LRRC63: variants seen among roughly 807,000 people sequenced by gnomAD.
LRRC63 encodes the protein leucine rich repeat containing 63.
In LRRC63, 40 loss-of-function variants were observed where a neutral mutation model predicts 49.5. That is an observed-to-expected ratio of 0.81 (90% CI 0.63 to 1.05). The LOEUF (loss-of-function observed/expected upper bound fraction) is 1.05. Ranked by LOEUF, LRRC63 falls within the 50% of genes least tolerant of loss-of-function variation. The probability of loss-of-function intolerance (pLI) is 0.00; values close to 1 mark genes in which losing one functional copy is unlikely to be tolerated. For synonymous variants in LRRC63, 191 were observed against 221.1 expected (o/e 0.86, Z 1.21); for missense variants, 636 against 663.1 (o/e 0.96, Z 0.45).
chr13:46,265,869 G>T (rs1434884949), intron 8 of LRRC63, among the ~76,000 whole-genome samples: 2 of 152,196 alleles, frequency 1.3e-5, no homozygotes, highest in Non-Finnish European at 2.9e-5. Flanking sequence ...GATAAAGAGA[G>T]CTGAGGTGCC....
chr13:46,261,631 G>GCAA (rs146074074), intron 7 of LRRC63, among the ~76,000 whole-genome samples: 12,240 of 152,034 alleles, frequency 0.081, 874 homozygotes, highest in African/African-American at 0.2. Context: ...GGAAACTAAT[G>GCAA]CAACAACAAC....
chr13:46,231,590 A>C (rs933150318), intron 4 of LRRC63, among the ~76,000 whole-genome samples: 1 of 151,482 alleles, frequency 6.6e-6, no homozygotes, highest in East Asian at 1.9e-4. Context: ...GCTCACTGCA[A>C]CCTCCGCCTG....
chr13:46,220,334 G>A (rs866076315), intron 2 of LRRC63, among the ~76,000 whole-genome samples: 1 of 152,190 alleles, frequency 6.6e-6, no homozygotes. Flanking sequence ...GAGGCAGTCT[G>A]GCTACCACAG....
intron 2 of LRRC63, among the ~76,000 whole-genome samples, chr13:46,213,798 G>T (rs566597187): frequency 1.3e-5 from 2 of 152,312 alleles, no homozygotes; most frequent in East Asian, 3.9e-4. Flanking sequence ...GAAACCAGAG[G>T]TTTGCAGGAA....
intron 2 of LRRC63, among the ~76,000 whole-genome samples, chr13:46,217,413 A>G (rs960805602): frequency 1.2e-4 from 18 of 152,168 alleles, no homozygotes; most frequent in Admixed American, 9.8e-4. Context: ...TGTTTATAGT[A>G]TTCTCTGATG....
At chr13:46,223,475 G>GTTTGTTTTTTT (rs1566472007) in intron 2 of LRRC63, among the ~76,000 whole-genome samples, 1 of 127,888 alleles carries the variant, frequency 7.8e-6, no homozygotes, top group African/African-American at 3.3e-5. Context: ...TTGGCTGACA[G>GTTTGTTTTTTT]TTTTTTTTGT....
intron 1 of LRRC63, 36 bp from the exon 2 acceptor site, chr13:46,212,966 A>T (rs1286214092): frequency 1.9e-6 from 2 of 1,038,532 alleles, no homozygotes; most frequent in Non-Finnish European, 2.8e-6. Context: ...CAATTCAAAC[A>T]TATTCAAAAC....
intron 4 of LRRC63, among the ~76,000 whole-genome samples, chr13:46,230,520 C>T (rs927531031): frequency 1.3e-5 from 2 of 152,216 alleles, no homozygotes; most frequent in Admixed American, 6.5e-5. Flanking sequence ...GCTAAAGGCC[C>T]GAGAGCCCCT....
chr13:46,223,310 A>T (rs1471513697), intron 2 of LRRC63, among the ~76,000 whole-genome samples: 1 of 152,108 alleles, frequency 6.6e-6, no homozygotes, highest in African/African-American at 2.4e-5. Context: ...GGCTGTAAGT[A>T]TGTGACTTTA....
chr13:46,247,211 T>G (rs1046790027), intron 6 of LRRC63, among the ~76,000 whole-genome samples: 1 of 152,184 alleles, frequency 6.6e-6, no homozygotes, highest in African/African-American at 2.4e-5. Flanking sequence ...GAGTTTATTT[T>G]TGGCAAATGT....
rs557143574 is a variant in LRRC63 at position 46,260,189 on chromosome 13, A to C, written c.1227-1720A>C. Among the ~76,000 whole-genome samples the C allele has an allele frequency of 3.5e-4, 53 of 152,342 alleles. 1 individual carries two copies. In the South Asian group the frequency reaches 9.1e-3, roughly 26 times the overall value. ...ATGTCATCCATAGTGAAAGCCTGGA[A>C]CCAAACTAGGTTGCCAGAGCCAAGG... On this transcript the variant is annotated intron_variant, in intron 7 of 9. Transcript: ENST00000595396.
At chr13:46,246,542 A>C (rs1248005638) in exon 6 of LRRC63, 1 of 1,452,926 alleles carries the variant, frequency 6.9e-7, no homozygotes, top group Non-Finnish European at 9.1e-7. Context: ...TTTTATCCTA[A>C]ATTGTCCAGA....
intron 5 of LRRC63, among the ~76,000 whole-genome samples, chr13:46,235,375 A>G (rs969891592): frequency 1.9e-4 from 29 of 152,188 alleles, no homozygotes; most frequent in Non-Finnish European, 5.9e-5. Context: ...TTATTAAACA[A>G]CCCAATAGCT....
At chr13:46,261,565 C>G (rs1269107317) in intron 7 of LRRC63, among the ~76,000 whole-genome samples, 1 of 152,150 alleles carries the variant, frequency 6.6e-6, no homozygotes, top group Non-Finnish European at 1.5e-5. Flanking sequence ...GCGCCCTGAA[C>G]TGTGAGAAAA....
intron 2 of LRRC63, among the ~76,000 whole-genome samples, chr13:46,226,928 T>G (rs893514503): frequency 6.6e-6 from 1 of 152,212 alleles, no homozygotes; most frequent in African/African-American, 2.4e-5. Flanking sequence ...AAAAGGCATA[T>G]ATGATTCCTG....
intron 6 of LRRC63, among the ~76,000 whole-genome samples, chr13:46,248,471 C>T (rs751129794): frequency 2.6e-5 from 4 of 151,780 alleles, no homozygotes; most frequent in Admixed American, 6.6e-5. Flanking sequence ...ATCATGCAAA[C>T]AGCAACAATA....
intron 7 of LRRC63, 120 bp downstream of exon 7, chr13:46,250,611 C>A: frequency 2.6e-6 from 2 of 769,996 alleles, no homozygotes; most frequent in South Asian, 2.0e-5. Context: ...GTATTCTATT[C>A]TAATTAGCTA....
chr13:46,258,416 C>A (rs373679028), intron 7 of LRRC63, among the ~76,000 whole-genome samples: 80 of 150,574 alleles, frequency 5.3e-4, no homozygotes, highest in East Asian at 4.6e-3. Flanking sequence ...GGCGTGAGCC[C>A]CCGCACCCAG....
chr13:46,252,094 G>A (rs2047399033), intron 7 of LRRC63, among the ~76,000 whole-genome samples: 2 of 152,014 alleles, frequency 1.3e-5, no homozygotes, highest in African/African-American at 4.8e-5. Flanking sequence ...ACATAATGGG[G>A]AAAACTTAAC....
Sources: gnomAD v4.1 joint callset for allele counts (sites outside exome capture counted in the v4.1 genomes callset) on GRCh38, gnomAD v4.1.1 for gene constraint, MANE v1.5 for transcripts, NCBI Gene and HGNC (gene_info 2026-07-23, HGNC 2026-07-21) for gene names.